NLGN1: variants seen among roughly 807,000 people sequenced by gnomAD.
NLGN1 encodes the protein neuroligin-1.
A neutral mutation model predicts 65.5 loss-of-function variants in NLGN1; 12 were observed. The ratio of observed to expected loss-of-function variants is 0.18; its 90% confidence interval spans 0.12 to 0.30. The LOEUF (loss-of-function observed/expected upper bound fraction) is 0.30. Ranked by LOEUF, NLGN1 falls within the 10% of genes least tolerant of loss-of-function variation. The pLI is 1.00. For synonymous variants in NLGN1, 350 were observed against 359.5 expected (o/e 0.97, Z 0.30); for missense variants, 750 against 1,007.1 (o/e 0.74, Z 3.46).
chr3:174,137,843 C>T (rs1048396343), intron 4 of NLGN1, among the ~76,000 whole-genome samples: 23 of 152,134 alleles, frequency 1.5e-4, no homozygotes, highest in Non-Finnish European at 3.2e-4. Flanking sequence ...TCTATTCCAG[C>T]TCCTGATTTC....
intron 4 of NLGN1, among the ~76,000 whole-genome samples, chr3:173,849,150 A>G (rs2150726625): frequency 6.6e-6 from 1 of 152,306 alleles, no homozygotes; most frequent in Non-Finnish European, 1.5e-5. Context: ...GAAAAAAGAA[A>G]AAAATTCTTT....
intron 4 of NLGN1, among the ~76,000 whole-genome samples, chr3:173,940,399 A>G (rs891669227): frequency 6.6e-6 from 1 of 152,062 alleles, no homozygotes; most frequent in East Asian, 1.9e-4. Flanking sequence ...TCAAATAGTT[A>G]TATCTTGTAG....
At chr3:173,721,412 A>G (rs1198319628) in intron 3 of NLGN1, among the ~76,000 whole-genome samples, 1 of 152,238 alleles carries the variant, frequency 6.6e-6, no homozygotes, top group Non-Finnish European at 1.5e-5. Flanking sequence ...TTCTAAGTAA[A>G]CAAGTAAACG....
chr3:174,158,472 T>C (rs1725874290), intron 4 of NLGN1, among the ~76,000 whole-genome samples: 1 of 151,674 alleles, frequency 6.6e-6, no homozygotes, highest in Non-Finnish European at 1.5e-5. Flanking sequence ...TAGAATATCA[T>C]TGAAATTCCC....
At chr3:173,779,871 CTCA>C (rs1363122298) in intron 3 of NLGN1, among the ~76,000 whole-genome samples, 2 of 152,102 alleles carry the variant, frequency 1.3e-5, no homozygotes, top group Non-Finnish European at 2.9e-5. Context: ...CTAGTTTCCC[CTCA>C]TCAACTGCTA....
chr3:173,765,861 A>T (rs985781361), intron 3 of NLGN1, among the ~76,000 whole-genome samples: 10 of 152,128 alleles, frequency 6.6e-5, no homozygotes, highest in African/African-American at 1.9e-4. Flanking sequence ...CTTCAAGATG[A>T]TATTTCATCA....
intron 2 of NLGN1, among the ~76,000 whole-genome samples, chr3:173,462,113 G>C (rs1723509694): frequency 6.6e-6 from 1 of 152,098 alleles, no homozygotes; most frequent in Non-Finnish European, 1.5e-5. Flanking sequence ...TGCTGTTACT[G>C]TTTTGAATTC....
chr3:173,469,431 A>G (rs563361394), intron 2 of NLGN1, among the ~76,000 whole-genome samples: 6 of 152,096 alleles, frequency 3.9e-5, no homozygotes, highest in Admixed American at 1.3e-4. Context: ...CTAAGGAAGC[A>G]GTCTGATTAC....
At chr3:174,074,904 T>A (rs1740600936) in intron 4 of NLGN1, among the ~76,000 whole-genome samples, 1 of 152,184 alleles carries the variant, frequency 6.6e-6, no homozygotes, top group Non-Finnish European at 1.5e-5. Context: ...AGTCTTAGGG[T>A]TCTACCGTGC....
chr3:173,699,598 G>A (rs1766805986), intron 3 of NLGN1, among the ~76,000 whole-genome samples: 1 of 152,198 alleles, frequency 6.6e-6, no homozygotes, highest in Non-Finnish European at 1.5e-5. Flanking sequence ...CAGAATGGGA[G>A]TTTTAAAAGT....
exon 3 of NLGN1, chr3:173,604,963 T>C (rs200519167): frequency 3.5e-5 from 56 of 1,613,722 alleles, no homozygotes; most frequent in African/African-American, 8.0e-5. Flanking sequence ...CAGAATATCA[T>C]TGATGGCAGA....
chr3:174,030,334 C>T (rs1427951741), intron 4 of NLGN1, among the ~76,000 whole-genome samples: 1 of 152,070 alleles, frequency 6.6e-6, no homozygotes, highest in African/African-American at 2.4e-5. Context: ...CCATGTTGGC[C>T]AGGCTGGTCT....
At chr3:174,053,963 T>C (rs1263756412) in intron 4 of NLGN1, among the ~76,000 whole-genome samples, 1 of 152,014 alleles carries the variant, frequency 6.6e-6, no homozygotes, top group Non-Finnish European at 1.5e-5. Context: ...CCAAGCTTCT[T>C]GAATATCTTT....
At chr3:174,087,914 T>C (rs1743730480) in intron 4 of NLGN1, among the ~76,000 whole-genome samples, 1 of 152,220 alleles carries the variant, frequency 6.6e-6, no homozygotes, top group Admixed American at 6.5e-5. Flanking sequence ...TTTGTTTGCC[T>C]TTTGCTTTGT....
chr3:173,442,444 C>T (rs557528862), intron 2 of NLGN1, among the ~76,000 whole-genome samples: 1 of 152,048 alleles, frequency 6.6e-6, no homozygotes. Context: ...CTGAATCCAG[C>T]CAAAAATAAT....
At chr3:174,269,448 GACT>G (rs1409474303) in intron 4 of NLGN1, among the ~76,000 whole-genome samples, 45 of 151,538 alleles carry the variant, frequency 3.0e-4, no homozygotes, top group Admixed American at 2.8e-3. Flanking sequence ...CTTTTTTTGT[GACT>G]GGCTTATTTC....
intron 2 of NLGN1, among the ~76,000 whole-genome samples, chr3:173,565,730 T>C (rs1185574319): frequency 1.3e-5 from 2 of 152,186 alleles, no homozygotes; most frequent in Non-Finnish European, 2.9e-5. Flanking sequence ...TAAACCAATT[T>C]ATACTACCCC....
At chr3:174,154,713 T>TTG (rs1207093937) in intron 4 of NLGN1, among the ~76,000 whole-genome samples, 7 of 150,950 alleles carry the variant, frequency 4.6e-5, no homozygotes, top group African/African-American at 9.7e-5. Flanking sequence ...CCTAAGTAGA[T>TTG]TGTGTGTGTG....
At chr3:173,732,079 A>T (rs1163658779) in intron 3 of NLGN1, among the ~76,000 whole-genome samples, 1 of 152,102 alleles carries the variant, frequency 6.6e-6, no homozygotes, top group African/African-American at 2.4e-5. Context: ...TTAAGATAAA[A>T]TATTATCTCT....
Sources: gnomAD v4.1 joint callset for allele counts (sites outside exome capture counted in the v4.1 genomes callset) on GRCh38, gnomAD v4.1.1 for gene constraint, MANE v1.5 for transcripts, NCBI Gene and HGNC (gene_info 2026-07-23, HGNC 2026-07-21) for gene names.